ZNF26: variants seen among roughly 807,000 people sequenced by gnomAD.
ZNF26 encodes the protein zinc finger protein 26.
A neutral mutation model predicts 54.9 loss-of-function variants in ZNF26; 32 were observed. That is an observed-to-expected ratio of 0.58 (90% CI 0.44 to 0.78). The LOEUF (loss-of-function observed/expected upper bound fraction) is 0.78, where lower values mean the gene tolerates loss of function less well. ZNF26 is among the 30% of genes least tolerant of loss of function. The pLI, the probability that ZNF26 is intolerant of heterozygous loss-of-function variation, is 0.00. For synonymous variants in ZNF26, 221 were observed against 209.2 expected, an observed-to-expected ratio of 1.06 and a Z score of -0.49; for missense variants, 524 against 634.0, an observed-to-expected ratio of 0.83 and a Z score of 1.86.
chr12:133,014,855 G>T lies in ZNF26; in HGVS notation c.*3374G>T, dbSNP rs1953545558. 6.6e-6 allele frequency: 1 copy of T among 152,036 alleles called. No individual in the cohort carries two copies. Among genetic ancestry groups the T allele is most frequent in the South Asian group, 2.1e-4 (1 of 4,810 alleles). 9.4% of individuals were successfully genotyped at this position (152,036 alleles called of 1,614,324 possible). A position where few individuals can be genotyped will look rare whatever the true frequency, so the allele number is the denominator to read the frequency against. On this transcript the variant is annotated 3_prime_UTR_variant, in exon 4 of 4. Transcript: ENST00000328654. ...GCCACCATGCCTGACCATGATGATGGTTTTAAAAGTTAGCTGTAGCAGCTA... is the reference window on the plus strand; with the variant it reads ...GCCACCATGCCTGACCATGATGATGTTTTTAAAAGTTAGCTGTAGCAGCTA...
In ZNF26 at chr12:133,011,503, G is replaced by A; in HGVS notation, c.*22G>A. The stretch of plus-strand genomic sequence containing the variant: ...ATGAGAAATCAGAATGATGCAATGT[G>A]AGAAACTGATGTTCAGGAGACTTCG... On this transcript the variant is annotated 3_prime_UTR_variant, in exon 4 of 4. Coordinates refer to ENST00000328654, the MANE Select transcript of ZNF26 (RefSeq NM_019591.4). 1 of 1,519,978 alleles carries A rather than the reference G, an allele frequency of 6.6e-7. No individual in the cohort carries two copies. Among genetic ancestry groups the A allele is most frequent in the South Asian group, 1.4e-5 (1 of 73,326 alleles). The allele number at this position is 1,519,978 out of a possible 1,614,324, so 94.2% of individuals were successfully genotyped here.
chr12:133,023,735 C>T lies in ZNF26; in HGVS notation c.*12254C>T, dbSNP rs1456281732. 6.6e-6 allele frequency: 1 copy of T among 152,180 alleles called. No individual in the cohort carries two copies. Among genetic ancestry groups the T allele is most frequent in the Non-Finnish European group, 1.5e-5 (1 of 68,044 alleles). The allele number at this position is 152,180 out of a possible 1,614,324, so 9.4% of individuals were successfully genotyped here. ...TGCCCCATCCTTTGAGTTTTGTTGG[C>T]TTGTGAGTCACTTGTAGCCAAAAGA... is the stretch of plus-strand genomic sequence containing the variant. On this transcript the variant is annotated 3_prime_UTR_variant, in exon 4 of 4. Coordinates refer to ENST00000328654, the MANE Select transcript of ZNF26 (RefSeq NM_019591.4).
intron 1 of ZNF26, among the ~76,000 whole-genome samples, chr12:132,998,060 A>G: frequency 6.6e-6 from 1 of 152,150 alleles, no homozygotes; most frequent in African/African-American, 2.4e-5. Flanking sequence ...TTGCAAATAA[A>G]TTTTGATCTC....
intron 1 of ZNF26, chr12:132,987,632 G>A: frequency 1.1e-6 from 1 of 875,170 alleles, no homozygotes; most frequent in East Asian, 1.2e-4. Context: ...AATGACTTTC[G>A]CAGGTGTTGA....
intron 1 of ZNF26, among the ~76,000 whole-genome samples, chr12:132,995,940 C>A (rs968984445): frequency 0.014 from 2,107 of 152,332 alleles, 40 homozygotes; most frequent in African/African-American, 0.048. Context: ...GGGTGAGCCA[C>A]CATACCTGAC....
chr12:132,988,607 A>G (rs1423428300), intron 1 of ZNF26, among the ~76,000 whole-genome samples: 1 of 152,146 alleles, frequency 6.6e-6, no homozygotes, highest in East Asian at 1.9e-4. Flanking sequence ...GTATCCTGTT[A>G]GCTAATCTAA....
chr12:133,013,822 C>T lies in ZNF26; in HGVS notation c.*2341C>T, dbSNP rs1366722382. Reference sequence around the variant, plus strand: ...GCAAACTCTTCTGATAGACTTTGCACTGCAGATGCTTCATTTAAGGCTATA... The same window carrying T: ...GCAAACTCTTCTGATAGACTTTGCATTGCAGATGCTTCATTTAAGGCTATA... On this transcript the variant is annotated 3_prime_UTR_variant, in exon 4 of 4. Transcript: ENST00000328654. 1.9e-5 allele frequency: 3 copies of T among 155,958 alleles called. No individual in the cohort carries two copies. The highest frequency in any genetic ancestry group is 4.8e-5 in the African/African-American group (2 of 41,524). The allele number at this position is 155,958 out of a possible 1,614,324, so 9.7% of individuals were successfully genotyped here. A position where few individuals can be genotyped will look rare whatever the true frequency, so the allele number is the denominator to read the frequency against.
At chr12:132,994,482 CTT>C (rs1207082790) in intron 1 of ZNF26, among the ~76,000 whole-genome samples, 20 of 152,210 alleles carry the variant, frequency 1.3e-4, no homozygotes, top group African/African-American at 4.6e-4. Flanking sequence ...AATTCAGTCT[CTT>C]ATAACCACCC....
At position 133,011,347 on chromosome 12, in the gene ZNF26, G is replaced by A. The variant is rs1401741909; in HGVS notation, c.1468G>A (p.Ala490Thr). The A allele has an allele frequency of 3.7e-6, 6 of 1,613,978 alleles. No individual in the cohort carries two copies. Among genetic ancestry groups the A allele is most frequent in the African/African-American group, 2.7e-5 (2 of 74,940 alleles). Reference protein sequence around the residue: ...KPFKCSECGKAFTQKSSLSEH... With the variant: ...KPFKCSECGKTFTQKSSLSEH... ...TTTTAAATGCAGTGAATGTGGAAAA[G>A]CCTTCACTCAGAAGTCATCTCTCAG... The change falls in exon 4 of 4, where the codon GCC becomes ACC. Residue 490 changes from alanine (A) to threonine (T), a missense_variant. Ala to Thr is a moderately conservative substitution (Grantham distance 58). Coordinates refer to ENST00000328654, the MANE Select transcript of ZNF26 (RefSeq NM_019591.4).
At position 133,022,760 on chromosome 12, in the gene ZNF26, C is replaced by A. The variant is rs1482085620; in HGVS notation, c.*11279C>A. 1 of 152,114 alleles carries A rather than the reference C, an allele frequency of 6.6e-6. No individual in the cohort carries two copies. Among genetic ancestry groups the A allele is most frequent in the Non-Finnish European group, 1.5e-5 (1 of 68,022 alleles). 9.4% of individuals were successfully genotyped at this position (152,114 alleles called of 1,614,324 possible). ...ACTGAATAAATTGAACAAGCTTGAACAAATTGAATCATCAATATGTTCAAG... is the reference window on the plus strand; with the variant it reads ...ACTGAATAAATTGAACAAGCTTGAAAAAATTGAATCATCAATATGTTCAAG... On this transcript the variant is annotated 3_prime_UTR_variant, in exon 4 of 4. Transcript: ENST00000328654.
chr12:132,991,223 C>T (rs1180198283), intron 1 of ZNF26, among the ~76,000 whole-genome samples: 11 of 149,028 alleles, frequency 7.4e-5, no homozygotes, highest in South Asian at 4.6e-4. Context: ...CATGGCTGGG[C>T]GTGGTGGCTC....
intron 1 of ZNF26, among the ~76,000 whole-genome samples, chr12:132,989,728 G>T (rs1952906564): frequency 1.3e-5 from 2 of 152,184 alleles, no homozygotes; most frequent in African/African-American, 4.8e-5. Flanking sequence ...TTGGAACAGG[G>T]ATTCTCATCC....
At chr12:132,998,968 C>G (rs1196557333) in intron 1 of ZNF26, among the ~76,000 whole-genome samples, 1 of 152,166 alleles carries the variant, frequency 6.6e-6, no homozygotes, top group African/African-American at 2.4e-5. Flanking sequence ...CCCAATTGCC[C>G]TAAGCTATAA....
rs1249215898 is a variant in ZNF26, at chr12:133,023,233, A to T, written c.*11752A>T. The T allele has an allele frequency of 2.0e-5, 3 of 152,244 alleles. No homozygotes were observed. The East Asian group carries it at 5.8e-4, about 29-fold the overall frequency. 9.4% of individuals were successfully genotyped at this position (152,244 alleles called of 1,614,324 possible). On this transcript the variant is annotated 3_prime_UTR_variant, in exon 4 of 4. Transcript: ENST00000328654. ...ATACTGCACATTATCAAAACTGACC[A>T]AAGCAGAAAAAGCAAGACTGAATAA...
rs760058569 is a variant in ZNF26, at chr12:133,014,736, G to C, written c.*3255G>C. Reference sequence around the variant, plus strand: ...AATTTTTGTATTTTTAGTAGAGACGGGGTTTCACCACGTTGGCCAGGCTGG... The same window carrying C: ...AATTTTTGTATTTTTAGTAGAGACGCGGTTTCACCACGTTGGCCAGGCTGG... On this transcript the variant is annotated 3_prime_UTR_variant, in exon 4 of 4. Coordinates refer to ENST00000328654, the MANE Select transcript of ZNF26 (RefSeq NM_019591.4). 1 of 151,912 alleles carries C rather than the reference G, an allele frequency of 6.6e-6. No homozygotes were observed. Among genetic ancestry groups the C allele is most frequent in the Non-Finnish European group, 1.5e-5 (1 of 68,036 alleles). The allele number at this position is 151,912 out of a possible 1,614,324, so 9.4% of individuals were successfully genotyped here. A position where few individuals can be genotyped will look rare whatever the true frequency, so the allele number is the denominator to read the frequency against.
chr12:132,986,956 T>G, intron 1 of ZNF26, 83 bp downstream of exon 1: 1 of 1,434,470 alleles, frequency 7.0e-7, no homozygotes, highest in Non-Finnish European at 9.6e-7. Context: ...CTCCGGGAAC[T>G]GAACTCACAT....
Position 133,022,123 on chromosome 12 carries a change from CG to C in ZNF26, c.*10645del, listed in dbSNP as rs1190912215. The C allele has an allele frequency of 2.6e-5, 4 of 151,892 alleles. No homozygotes were observed. 9.4% of individuals were successfully genotyped at this position (151,892 alleles called of 1,614,324 possible). ...ATTCCAGCTACTCGGGAGGCTGAGA[CG>C]GGAGTATCACTTGAACTCGAAAGGT... On this transcript the variant is annotated 3_prime_UTR_variant, in exon 4 of 4. Coordinates refer to ENST00000328654, the MANE Select transcript of ZNF26 (RefSeq NM_019591.4).
intron 3 of ZNF26, among the ~76,000 whole-genome samples, chr12:133,007,974 T>A (rs1953369752): frequency 6.6e-6 from 1 of 152,188 alleles, no homozygotes; most frequent in Non-Finnish European, 1.5e-5. Flanking sequence ...GTGTCTCCTA[T>A]ATCTTTGAGT....
chr12:133,006,302 A>G (rs1953325077), intron 1 of ZNF26: 1 of 985,480 alleles, frequency 1.0e-6, no homozygotes. Flanking sequence ...CCCTGTTCTC[A>G]GCTGAACCTC....
Sources: allele counts gnomAD v4.1 joint callset (sites outside exome capture counted in the v4.1 genomes callset), GRCh38; gene constraint gnomAD v4.1.1; transcripts MANE v1.5; gene names NCBI Gene and HGNC (gene_info 2026-07-23, HGNC 2026-07-21).